Variants in SHISA9 observed in about 807,000 individuals in gnomAD.
The protein encoded by SHISA9 is shisa family member 9, also known as protein shisa-9.
In SHISA9, 13 loss-of-function variants were observed where a neutral mutation model predicts 38.0. The observed-to-expected ratio is 0.34, with a 90% confidence interval of 0.22 to 0.54. SHISA9 has a LOEUF of 0.54. SHISA9 is among the 20% of genes least tolerant of loss of function. The pLI, the probability that SHISA9 is intolerant of heterozygous loss-of-function variation, is 0.91. For synonymous variants in SHISA9, 275 were observed against 242.0 expected (o/e 1.14, Z -1.27); for missense variants, 538 against 575.8 (o/e 0.93, Z 0.67).
chr16:13,019,993 T>G (rs1198402603), intron 2 of SHISA9, among the ~76,000 whole-genome samples: 1 of 130,778 alleles, frequency 7.6e-6, no homozygotes, highest in African/African-American at 2.9e-5. Flanking sequence ...CCTTCCTTCC[T>G]TCCTTCCTTC....
chr16:12,999,323 C>T (rs942942576), intron 2 of SHISA9, among the ~76,000 whole-genome samples: 1 of 152,164 alleles, frequency 6.6e-6, no homozygotes, highest in African/African-American at 2.4e-5. Context: ...AGAGCTGATA[C>T]AAGGAGGCAG....
chr16:13,306,818 T>C, the SHISA9 span, among the ~76,000 whole-genome samples: 2 of 152,160 alleles, frequency 1.3e-5, no homozygotes, highest in African/African-American at 4.8e-5. Context: ...CCCTTAGAAT[T>C]GAGTGACATA....
chr16:13,425,982 A>G, the SHISA9 span, among the ~76,000 whole-genome samples: 4 of 152,180 alleles, frequency 2.6e-5, no homozygotes, highest in East Asian at 7.7e-4. Flanking sequence ...CCTATCAGTC[A>G]TTCTGTAGGG....
chr16:13,268,041 T>C, the SHISA9 span, among the ~76,000 whole-genome samples: 1 of 152,104 alleles, frequency 6.6e-6, no homozygotes, highest in African/African-American at 2.4e-5. Flanking sequence ...ATGCAACTGC[T>C]ACACAAATTC....
At chr16:12,985,751 G>A (rs1236548409) in intron 2 of SHISA9, among the ~76,000 whole-genome samples, 2 of 152,168 alleles carry the variant, frequency 1.3e-5, no homozygotes, top group Non-Finnish European at 2.9e-5. Flanking sequence ...TTTGTGGTCT[G>A]CAATCTTTGA....
chr16:13,362,364 G>A, the SHISA9 span, among the ~76,000 whole-genome samples: 3 of 152,154 alleles, frequency 2.0e-5, no homozygotes, highest in African/African-American at 7.2e-5. Flanking sequence ...GGGGATCGAG[G>A]CTGCAGTGAG....
intron 2 of SHISA9, among the ~76,000 whole-genome samples, chr16:12,984,950 C>A (rs991624): frequency 1.3e-5 from 2 of 152,034 alleles, no homozygotes; most frequent in South Asian, 2.1e-4. Context: ...GAGCTCCCGA[C>A]GGGATTAGGC....
chr16:12,946,327 C>G (rs146364046), intron 2 of SHISA9, among the ~76,000 whole-genome samples: 2 of 152,134 alleles, frequency 1.3e-5, no homozygotes, highest in Non-Finnish European at 2.9e-5. Context: ...TATAGAATCT[C>G]ATAGTCTTAT....
chr16:13,322,156 C>A, the SHISA9 span, among the ~76,000 whole-genome samples: 1 of 152,168 alleles, frequency 6.6e-6, no homozygotes, highest in Non-Finnish European at 1.5e-5. Flanking sequence ...ACAGAAATGG[C>A]CTCGAAGGAG....
At chr16:13,128,335 C>G (rs1216220044) in intron 2 of SHISA9, among the ~76,000 whole-genome samples, 3 of 152,082 alleles carry the variant, frequency 2.0e-5, no homozygotes, top group Non-Finnish European at 2.9e-5. Flanking sequence ...TTCTAACAAA[C>G]CTATCAGGTG....
Position 13,179,930 on chromosome 16 carries a change from T to C in SHISA9, c.692-23464T>C, listed in dbSNP as rs544300566. On this transcript the variant is annotated intron_variant, in intron 2 of 4. Transcript: ENST00000558583. ...AGACTGGAAATGTTTGTTTAGGGGC[T>C]GTTCCTTTAGGCTGATCTGGACCCA... 2.0e-5 allele frequency among the ~76,000 whole-genome samples: 3 copies of C among 152,344 alleles called. No individual in the cohort carries two copies. In the South Asian group the frequency reaches 6.2e-4, roughly 32 times the overall value.
At chr16:13,548,823 AG>A in the SHISA9 span, among the ~76,000 whole-genome samples, 1 of 152,218 alleles carries the variant, frequency 6.6e-6, no homozygotes, top group Non-Finnish European at 1.5e-5. Flanking sequence ...AAATATTAAA[AG>A]TAGAACTACC....
At chr16:13,366,939 C>T in the SHISA9 span, among the ~76,000 whole-genome samples, 12 of 146,020 alleles carry the variant, frequency 8.2e-5, no homozygotes, top group East Asian at 1.0e-3. Context: ...GCTGAGATCT[C>T]GCCACTGCAC....
the SHISA9 span, among the ~76,000 whole-genome samples, chr16:13,539,417 C>T: frequency 7.1e-6 from 1 of 141,464 alleles, no homozygotes; most frequent in African/African-American, 2.6e-5. Context: ...CTCAAGCAAG[C>T]CTCCTGCTTT....
At chr16:13,289,052 G>C in the SHISA9 span, among the ~76,000 whole-genome samples, 1 of 152,142 alleles carries the variant, frequency 6.6e-6, no homozygotes, top group African/African-American at 2.4e-5. Flanking sequence ...GTCTTCAGGA[G>C]AGAGTGAGTG....
At chr16:12,963,276 G>T (rs1257019315) in intron 2 of SHISA9, among the ~76,000 whole-genome samples, 1 of 152,218 alleles carries the variant, frequency 6.6e-6, no homozygotes, top group East Asian at 1.9e-4. Flanking sequence ...GCAGGACCCA[G>T]TATTGGGGGT....
rs559391597 is a variant in SHISA9 at position 12,939,273 on chromosome 16, G to A, written c.691+22458G>A. Among the ~76,000 whole-genome samples, 411 of 152,164 alleles carry A rather than the reference G, an allele frequency of 2.7e-3. 1 individual carries two copies. The highest frequency in any genetic ancestry group is 9.0e-3 in the African/African-American group (375 of 41,508). On this transcript the variant is annotated intron_variant, in intron 2 of 4. Coordinates refer to ENST00000558583, the MANE Select transcript of SHISA9 (RefSeq NM_001145204.3). ...TAATTTTTGTGTTTTTAGTAGAGACGGGGTTTCACCATGTTGGCCAAGCTG... is the reference window on the plus strand; with the variant it reads ...TAATTTTTGTGTTTTTAGTAGAGACAGGGTTTCACCATGTTGGCCAAGCTG...
At chr16:13,115,446 G>A (rs922820167) in intron 2 of SHISA9, among the ~76,000 whole-genome samples, 14 of 152,228 alleles carry the variant, frequency 9.2e-5, no homozygotes, top group African/African-American at 2.9e-4. Context: ...ATTGCAGCAG[G>A]AACACACCCT....
At chr16:13,293,857 G>T in the SHISA9 span, among the ~76,000 whole-genome samples, 1 of 152,194 alleles carries the variant, frequency 6.6e-6, no homozygotes, top group East Asian at 1.9e-4. Flanking sequence ...TGTAGAAATG[G>T]CAAAAATTAT....
Sources: allele counts gnomAD v4.1 joint callset (sites outside exome capture counted in the v4.1 genomes callset), GRCh38; gene constraint gnomAD v4.1.1; transcripts MANE v1.5; gene names NCBI Gene and HGNC (gene_info 2026-07-23, HGNC 2026-07-21).